The following BTBD7 variants were observed in gnomAD, a reference collection of about 807,000 sequenced individuals.
BTBD7 encodes the protein BTB domain containing 7, also known as BTB/POZ domain-containing protein 7.
BTBD7 carries 38 observed loss-of-function variants against 99.9 expected under a neutral mutation model. The observed-to-expected ratio is 0.38, with a 90% CI of 0.29 to 0.50. BTBD7 has a LOEUF of 0.50. BTBD7 is among the 20% of genes least tolerant of loss of function. The pLI is 0.93. For missense variants in BTBD7, 1,170 were observed against 1,394.6 expected (o/e 0.84, Z 2.57); for synonymous variants, 520 against 511.4 (o/e 1.02, Z -0.23).
chr14:93,267,029 G>A (rs534190154), intron 3 of BTBD7, among the ~76,000 whole-genome samples: 1 of 152,240 alleles, frequency 6.6e-6, no homozygotes, highest in African/African-American at 2.4e-5. Context: ...TTTTAAAGTG[G>A]GCATTGGAAT....
Position 93,257,329 on chromosome 14 carries a change from G to GT in BTBD7, c.1473_1474insA (p.His492ThrfsTer2). ...TTTACACCTCTTTTGTTCACACTAT[G>GT]GGCAGTGCCACTCAGTAAGTTTGGC... On this transcript the variant is annotated frameshift_variant, in exon 6 of 11. Transcript: ENST00000334746. LOFTEE classifies it high-confidence loss of function. 1 of 1,611,054 alleles carries GT rather than the reference G, an allele frequency of 6.2e-7. No homozygotes were observed. The highest frequency in any genetic ancestry group is 8.5e-7 in the Non-Finnish European group (1 of 1,179,144).
chr14:93,314,797 A>G (rs2053180138), intron 1 of BTBD7, among the ~76,000 whole-genome samples: 1 of 152,214 alleles, frequency 6.6e-6, no homozygotes, highest in Admixed American at 6.5e-5. Context: ...GCTGGACATT[A>G]TTCATCTTTG....
chr14:93,289,246 A>G (rs1488503487), intron 3 of BTBD7, among the ~76,000 whole-genome samples: 2 of 152,216 alleles, frequency 1.3e-5, no homozygotes, highest in Admixed American at 6.5e-5. Context: ...AGTAGGGAAT[A>G]CTTGGCTCAC....
intron 10 of BTBD7, among the ~76,000 whole-genome samples, chr14:93,244,562 T>C (rs1228928286): frequency 9.2e-5 from 14 of 152,130 alleles, no homozygotes; most frequent in African/African-American, 2.9e-4. Flanking sequence ...GGCAGGAGGA[T>C]TGCTTGAACC....
chr14:93,305,358 G>A (rs1021145246), intron 1 of BTBD7, among the ~76,000 whole-genome samples: 1 of 152,178 alleles, frequency 6.6e-6, no homozygotes, highest in African/African-American at 2.4e-5. Context: ...TACACTTAGA[G>A]TCTTGTATAT....
At chr14:93,258,371 C>A (rs1348698167) in intron 5 of BTBD7, among the ~76,000 whole-genome samples, 1 of 151,944 alleles carries the variant, frequency 6.6e-6, no homozygotes, top group African/African-American at 2.4e-5. Flanking sequence ...TTAAGGCATT[C>A]TGCTTTTCAA....
At chr14:93,332,515 C>A (rs2053451750) in intron 1 of BTBD7, among the ~76,000 whole-genome samples, 1 of 151,898 alleles carries the variant, frequency 6.6e-6, no homozygotes, top group South Asian at 2.1e-4. Flanking sequence ...GCTGCCGTCG[C>A]GACTCCCTCG....
At position 93,308,300 on chromosome 14, in the gene BTBD7, A is replaced by AG. The variant is rs994544047; in HGVS notation, c.-106-12144_-106-12143insC. Reference sequence around the variant, plus strand: ...AGACTCGGTCTCCAAAAAAAAAAAAAAAAAGAAAAGAAAAGAAAATTGGAT... The same window carrying AG: ...AGACTCGGTCTCCAAAAAAAAAAAAAGAAAAGAAAAGAAAAGAAAATTGGAT... On this transcript the variant is annotated intron_variant, in intron 1 of 10. Coordinates refer to ENST00000334746, the MANE Select transcript of BTBD7 (RefSeq NM_001002860.4). Among the ~76,000 whole-genome samples the AG allele has an allele frequency of 1.7e-4, 18 of 104,400 alleles. 1 individual carries two copies. Among genetic ancestry groups the AG allele is most frequent in the East Asian group, 1.2e-3 (3 of 2,458 alleles). 68.5% of individuals were successfully genotyped at this position (104,400 alleles called of 152,430 possible).
chr14:93,250,410 A>G (rs1174231465), intron 8 of BTBD7, among the ~76,000 whole-genome samples: 1 of 152,210 alleles, frequency 6.6e-6, no homozygotes, highest in East Asian at 1.9e-4. Context: ...ATTTCTTTTC[A>G]TGCTGTTAAC....
chr14:93,272,675 TCTATTTTTAAA>T (rs2052612908), intron 3 of BTBD7, among the ~76,000 whole-genome samples: 1 of 152,100 alleles, frequency 6.6e-6, no homozygotes, highest in Non-Finnish European at 1.5e-5. Context: ...CACCTACAAA[TCTATTTTTAAA>T]AGGCAACCAG....
intron 1 of BTBD7, among the ~76,000 whole-genome samples, chr14:93,303,383 C>T (rs1390421296): frequency 6.6e-6 from 1 of 151,548 alleles, no homozygotes; most frequent in Non-Finnish European, 1.5e-5. Context: ...GCAGGCAGCT[C>T]GCTTGAGCTC....
chr14:93,298,276 A>AC (rs1375570046), intron 1 of BTBD7, among the ~76,000 whole-genome samples: 1 of 152,208 alleles, frequency 6.6e-6, no homozygotes, highest in Non-Finnish European at 1.5e-5. Context: ...TATGGTTTGT[A>AC]GAGACTCAAG....
intron 10 of BTBD7, 115 bp downstream of exon 10, chr14:93,245,710 T>C: frequency 6.7e-7 from 1 of 1,491,610 alleles, no homozygotes; most frequent in Admixed American, 2.2e-5. Context: ...GCCTTCCACT[T>C]GTCAGCAATA....
rs1273503625 is a variant in BTBD7, at chr14:93,245,839, A to C, written c.2569T>G (p.Ser857Ala). The stretch of plus-strand genomic sequence containing the variant: ...TGTTGACTTACCACTTGCTTCTCAG[A>C]TGCTGCTGCTGCTGCTGCTGTTGCT... The part of the protein sequence containing the change: ...STATAAAAAA[S>A]EKQVRTQPVL... Residue 857 changes from serine (S) to alanine (A), a missense_variant, in exon 10 of 11, where the codon TCT (serine) becomes GCT (alanine). Physicochemically the swap from Ser to Ala is moderately conservative, Grantham distance 99. Around this residue, in one of 4 missense-constraint regions of BTBD7, gnomAD observed 495 missense variants for 525.9 expected, o/e 0.94. Transcript: ENST00000334746. 1 of 1,605,850 alleles carries C rather than the reference A, an allele frequency of 6.2e-7. No individual in the cohort carries two copies. The highest frequency in any genetic ancestry group is 1.3e-5 in the African/African-American group (1 of 74,740).
At chr14:93,276,379 C>T (rs926813518) in intron 3 of BTBD7, among the ~76,000 whole-genome samples, 1 of 152,138 alleles carries the variant, frequency 6.6e-6, no homozygotes, top group Non-Finnish European at 1.5e-5. Flanking sequence ...TACACAGGAA[C>T]CTGTAACACT....
At chr14:93,283,767 G>A (rs542976799) in intron 3 of BTBD7, among the ~76,000 whole-genome samples, 47 of 152,268 alleles carry the variant, frequency 3.1e-4, no homozygotes, top group African/African-American at 1.1e-3. Context: ...GGTCAGGCTG[G>A]TCTCGAACTC....
rs2273640 is a variant in BTBD7, at chr14:93,332,875, G to A, written c.-162C>T. 0.18 allele frequency: 262,495 copies of A among 1,449,260 alleles called. 25,267 individuals are homozygous for A. The highest frequency in any genetic ancestry group is 0.35 in the East Asian group (11,687 of 33,290). 89.8% of individuals were successfully genotyped at this position (1,449,260 alleles called of 1,614,324 possible). ...CGCTGGGACCGCTGCCGTCGCCTCC[G>A]CCGCCGCCGCCACCAGCACCGCCGT... is the stretch of plus-strand genomic sequence containing the variant. On this transcript the variant is annotated 5_prime_UTR_variant, in exon 1 of 11. Transcript: ENST00000334746.
chr14:93,331,983 G>T (rs892982062), intron 1 of BTBD7, among the ~76,000 whole-genome samples: 13 of 151,756 alleles, frequency 8.6e-5, no homozygotes, highest in Non-Finnish European at 1.6e-4. Flanking sequence ...ACAGTGCTCT[G>T]GTGTAGATAA....
At chr14:93,329,948 T>C (rs1481424949) in intron 1 of BTBD7, among the ~76,000 whole-genome samples, 2 of 152,306 alleles carry the variant, frequency 1.3e-5, no homozygotes, top group South Asian at 2.1e-4. Flanking sequence ...ATGGTTAAGA[T>C]GGTAAATTGT....
Sources: allele counts gnomAD v4.1 joint callset (sites outside exome capture counted in the v4.1 genomes callset), GRCh38; gene constraint gnomAD v4.1.1; regional missense constraint gnomAD v4.1.1; transcripts MANE v1.5; gene names NCBI Gene and HGNC (gene_info 2026-07-23, HGNC 2026-07-21).